The following LRP12 variants were observed in gnomAD, a reference collection of about 807,000 sequenced individuals.
The protein encoded by LRP12 is LDL receptor related protein 12.
Under a neutral mutation model 66.0 loss-of-function variants are expected in LRP12, and 14 were observed. That is an observed-to-expected ratio of 0.21 (90% confidence interval 0.14 to 0.33). The LOEUF is 0.33. Ranked by LOEUF, LRP12 falls within the 10% of genes least tolerant of loss-of-function variation. LRP12 has a pLI of 1.00. For missense variants in LRP12, 889 were observed against 1,053.4 expected, an observed-to-expected ratio of 0.84 and a Z score of 2.16; for synonymous variants, 357 against 359.1, an observed-to-expected ratio of 0.99 and a Z score of 0.07.
intron 2 of LRP12, among the ~76,000 whole-genome samples, chr8:104,515,420 CAG>C (rs1811060984): frequency 6.6e-6 from 1 of 152,164 alleles, no homozygotes; most frequent in African/African-American, 2.4e-5. Flanking sequence ...TAGAAGTTTT[CAG>C]AGTTTAAGAA....
At chr8:104,566,303 G>GC in intron 1 of LRP12, 1 of 283,034 alleles carries the variant, frequency 3.5e-6, no homozygotes, top group Admixed American at 5.2e-5. Context: ...CAACATTAAG[G>GC]TGATCAAGTA....
In LRP12 at chr8:104,490,556, T is replaced by G; in HGVS notation, c.*117A>C. ...AACCATGCAGGCTAACATATAATAA[T>G]AAGAAATCACCCTGCATTTTTTCTT... is the stretch of plus-strand genomic sequence containing the variant. On this transcript the variant is annotated 3_prime_UTR_variant, in exon 7 of 7. Coordinates refer to ENST00000276654, the MANE Select transcript of LRP12 (RefSeq NM_013437.5). 6 of 1,189,522 alleles carry G rather than the reference T, an allele frequency of 5.0e-6. No individual in the cohort carries two copies. Among genetic ancestry groups the G allele is most frequent in the Non-Finnish European group, 7.1e-6 (6 of 850,422 alleles). 73.7% of individuals were successfully genotyped at this position (1,189,522 alleles called of 1,614,324 possible). A position where few individuals can be genotyped will look rare whatever the true frequency, so the allele number is the denominator to read the frequency against.
chr8:104,576,101 C>T (rs1699410425), intron 1 of LRP12, among the ~76,000 whole-genome samples: 1 of 152,128 alleles, frequency 6.6e-6, no homozygotes, highest in Non-Finnish European at 1.5e-5. Context: ...AACAAAACCT[C>T]TGAGAAATAA....
At chr8:104,493,724 A>G (rs1436482217) in intron 6 of LRP12, among the ~76,000 whole-genome samples, 1 of 152,236 alleles carries the variant, frequency 6.6e-6, no homozygotes, top group African/African-American at 2.4e-5. Context: ...CTAGTGCACC[A>G]GTACAAACTC....
chr8:104,543,958 T>C (rs1056588031), intron 1 of LRP12, among the ~76,000 whole-genome samples: 1 of 152,072 alleles, frequency 6.6e-6, no homozygotes, highest in Non-Finnish European at 1.5e-5. Context: ...AAATGAAGAT[T>C]AGTAAGGAAG....
chr8:104,539,934 C>A (rs1295518408), intron 1 of LRP12, among the ~76,000 whole-genome samples: 1 of 152,046 alleles, frequency 6.6e-6, no homozygotes, highest in African/African-American at 2.4e-5. Context: ...TAAGGCCAAA[C>A]CCTAATATAG....
intron 1 of LRP12, among the ~76,000 whole-genome samples, chr8:104,579,679 A>C (rs903901464): frequency 6.6e-6 from 1 of 152,202 alleles, no homozygotes; most frequent in African/African-American, 2.4e-5. Flanking sequence ...ACTTCAAACT[A>C]CACTACAGGT....
chr8:104,520,019 AAGTC>A (rs1261732796), intron 2 of LRP12, among the ~76,000 whole-genome samples: 1 of 151,934 alleles, frequency 6.6e-6, no homozygotes, highest in Non-Finnish European at 1.5e-5. Flanking sequence ...ATAAAATACA[AAGTC>A]AGAAGAGGCA....
chr8:104,547,569 A>T (rs1200635797), intron 1 of LRP12, among the ~76,000 whole-genome samples: 5 of 124,928 alleles, frequency 4.0e-5, no homozygotes, highest in African/African-American at 1.2e-4. Context: ...ATATATTAAT[A>T]ATTATTATAT....
intron 1 of LRP12, among the ~76,000 whole-genome samples, chr8:104,557,292 A>T (rs1340065508): frequency 6.6e-6 from 1 of 152,172 alleles, no homozygotes; most frequent in Non-Finnish European, 1.5e-5. Context: ...CAGAGCAATC[A>T]GACAAGAGAC....
intron 3 of LRP12, chr8:104,507,158 A>G (rs1810922504): frequency 6.6e-6 from 1 of 152,216 alleles, no homozygotes; most frequent in South Asian, 2.1e-4. Flanking sequence ...AATGATAATC[A>G]TATGTAAAAC....
chr8:104,574,258 A>G (rs1034106870), intron 1 of LRP12, among the ~76,000 whole-genome samples: 1 of 152,178 alleles, frequency 6.6e-6, no homozygotes, highest in African/African-American at 2.4e-5. Flanking sequence ...TTTTAAACGA[A>G]TTAATGTTTT....
At chr8:104,588,746 G>T in intron 1 of LRP12, 73 bp downstream of exon 1, 1 of 1,366,330 alleles carries the variant, frequency 7.3e-7, no homozygotes, top group Non-Finnish European at 1.0e-6. Context: ...GGGAACCCCC[G>T]TCCTGGAGGC....
chr8:104,539,287 T>C (rs1173792798), intron 1 of LRP12, among the ~76,000 whole-genome samples: 3 of 152,204 alleles, frequency 2.0e-5, no homozygotes, highest in African/African-American at 7.2e-5. Flanking sequence ...TTTGTTCTTT[T>C]AGAGATGCAC....
chr8:104,492,483 G>A (rs902315174), intron 6 of LRP12, among the ~76,000 whole-genome samples: 3 of 152,024 alleles, frequency 2.0e-5, no homozygotes, highest in Non-Finnish European at 4.4e-5. Flanking sequence ...TTTAAAAATT[G>A]TATTTCCAGG....
At chr8:104,529,607 C>T (rs1408697717) in intron 2 of LRP12, among the ~76,000 whole-genome samples, 1 of 152,138 alleles carries the variant, frequency 6.6e-6, no homozygotes, top group Non-Finnish European at 1.5e-5. Flanking sequence ...CTATATCTAT[C>T]TAAATTTCCA....
chr8:104,575,019 T>G (rs965235080), intron 1 of LRP12, among the ~76,000 whole-genome samples: 1 of 151,680 alleles, frequency 6.6e-6, no homozygotes, highest in African/African-American at 2.4e-5. Context: ...GAGAAAGAAA[T>G]AAGGCAGGCA....
chr8:104,494,171 T>A (rs1488715160), intron 6 of LRP12, among the ~76,000 whole-genome samples: 2 of 152,148 alleles, frequency 1.3e-5, no homozygotes, highest in African/African-American at 4.8e-5. Flanking sequence ...AAAAAAACTT[T>A]CCCCATAGCA....
intron 1 of LRP12, among the ~76,000 whole-genome samples, chr8:104,542,050 G>A (rs942334310): frequency 3.1e-4 from 47 of 152,240 alleles, no homozygotes; most frequent in African/African-American, 1.1e-3. Flanking sequence ...GTATCCCTAT[G>A]TTTTCCTTTC....
Sources: gnomAD v4.1 joint callset for allele counts (sites outside exome capture counted in the v4.1 genomes callset) on GRCh38, gnomAD v4.1.1 for gene constraint, MANE v1.5 for transcripts, NCBI Gene and HGNC (gene_info 2026-07-23, HGNC 2026-07-21) for gene names.